Variants in BRD1 observed in about 807,000 individuals in gnomAD.
BRD1 encodes bromodomain containing 1.
Under a neutral mutation model 107.7 loss-of-function variants are expected in BRD1, and 24 were observed. That is an observed-to-expected ratio of 0.22 (90% confidence interval 0.16 to 0.31). The LOEUF (loss-of-function observed/expected upper bound fraction) is 0.31. Among genes scored for constraint, BRD1 ranks in the 10% least tolerant of loss-of-function variants. The probability of loss-of-function intolerance (pLI) is 1.00; values close to 1 mark genes in which losing one functional copy is unlikely to be tolerated. For synonymous variants in BRD1, 744 were observed against 686.1 expected (o/e 1.08, Z -1.32); for missense variants, 1,279 against 1,638.6 (o/e 0.78, Z 3.79).
chr22:49,782,384 G>A (rs189986514), intron 8 of BRD1, among the ~76,000 whole-genome samples: 3 of 151,266 alleles, frequency 2.0e-5, no homozygotes, highest in East Asian at 2.0e-4. Context: ...CCCACTCCGC[G>A]ACAATGCAGC....
chr22:49,823,072 A>G lies in BRD1; in HGVS notation c.1246T>C (p.Ser416Pro), dbSNP rs745805180. ...MKNGVCRKES[S>P]VKTVRSTSKV... The stretch of plus-strand genomic sequence containing the variant: ...GATGTGGACCTGACCGTTTTAACCG[A>G]GCTCTCTTTTCGACAGACGCCATTT... Residue 416 changes from serine to proline, a missense_variant, in exon 2 of 13, where the codon TCG becomes CCG. Ser to Pro is a moderately conservative substitution (Grantham distance 74). Coordinates refer to ENST00000404760, the MANE Select transcript of BRD1 (RefSeq NM_001304808.3). 4 of 1,614,140 alleles carry G rather than the reference A, an allele frequency of 2.5e-6. No individual in the cohort carries two copies. The highest frequency in any genetic ancestry group is 3.4e-6 in the Non-Finnish European group (4 of 1,180,026).
intron 2 of BRD1, chr22:49,818,072 C>T: frequency 3.2e-6 from 1 of 317,260 alleles, no homozygotes; most frequent in Non-Finnish European, 4.6e-6. Flanking sequence ...TGATGCTTCC[C>T]TTCCTAAGGC....
chr22:49,825,805 A>G (rs1235067143), intron 1 of BRD1: 1 of 152,368 alleles, frequency 6.6e-6, no homozygotes, highest in East Asian at 1.9e-4. Flanking sequence ...AAATCCCAGC[A>G]GACTTCAAGA....
Position 49,777,735 on chromosome 22 carries a change from C to T in BRD1, c.2936G>A (p.Arg979Gln), listed in dbSNP as rs372097126. ...GATGCTGGACTCGGAGGCACAGCGT[C>T]GTCGGGGTGTGGCCTTCCTCCCCAG... ...GGLGRKATPR[R>Q]RCASESSISS... Residue 979 changes from arginine to glutamine, a missense_variant, in exon 9 of 13, where the codon CGA becomes CAA. This residue lies in a region of BRD1 where 263 missense variants were observed against 251.6 expected (regional missense o/e 1.05). Transcript: ENST00000404760. 39 of 1,607,126 alleles carry T rather than the reference C, an allele frequency of 2.4e-5. No individual in the cohort carries two copies. Among genetic ancestry groups the T allele is most frequent in the Non-Finnish European group, 2.9e-5 (34 of 1,178,082 alleles).
In BRD1 at chr22:49,793,996, G is replaced by A. The variant is rs114577232; in HGVS notation, c.2359+38C>T. ...GTGCCTGTGCCTGAGCCTGAGCCGT[G>A]ACGGCAAGAAAGCGGGGCAGCCCTC... On this transcript the variant is annotated intron_variant, in intron 7 of 12. Coordinates refer to ENST00000404760, the MANE Select transcript of BRD1 (RefSeq NM_001304808.3). 1.6e-3 allele frequency: 2,492 copies of A among 1,587,260 alleles called. 38 individuals carry two copies. The East Asian group carries it at 0.033, about 21-fold the overall frequency.
At chr22:49,776,376 A>G (rs956775934) in intron 10 of BRD1, among the ~76,000 whole-genome samples, 6 of 152,156 alleles carry the variant, frequency 3.9e-5, no homozygotes. Flanking sequence ...CCAGCCTCCC[A>G]CGGACCCAGG....
chr22:49,784,215 G>A (rs1391316701), intron 8 of BRD1, among the ~76,000 whole-genome samples: 2 of 145,906 alleles, frequency 1.4e-5, no homozygotes, highest in Admixed American at 6.8e-5. Flanking sequence ...CCGCAACGGC[G>A]GTGAGTGGAC....
At chr22:49,784,100 A>G (rs1333650201) in intron 8 of BRD1, among the ~76,000 whole-genome samples, 1 of 152,062 alleles carries the variant, frequency 6.6e-6, no homozygotes, top group Non-Finnish European at 1.5e-5. Flanking sequence ...GCACGTGCAC[A>G]TGGAGACTCG....
At position 49,804,245 on chromosome 22, in the gene BRD1, G is replaced by A. The variant is rs1218432662; in HGVS notation, c.1483C>T (p.Arg495Trp). ...LSRNGAPLLR[R>W]LQSSLQSQRS... is the part of the protein sequence containing the mutation. ...TGAGACTGCAGGCTGGACTGCAGCC[G>A]CCGCAGCAGGGGGGCCCCGTTCCTG... Residue 495 changes from arginine to tryptophan, a missense_variant, in exon 3 of 13, where the codon CGG (arginine) becomes TGG (tryptophan). Around this residue, in one of 7 missense-constraint regions of BRD1, gnomAD observed 406 missense variants for 519.4 expected, o/e 0.78. Coordinates refer to ENST00000404760, the MANE Select transcript of BRD1 (RefSeq NM_001304808.3). 1.2e-6 allele frequency: 2 copies of A among 1,607,194 alleles called. No individual in the cohort carries two copies. The highest frequency in any genetic ancestry group is 2.2e-5 in the East Asian group (1 of 44,674).
intron 6 of BRD1, among the ~76,000 whole-genome samples, chr22:49,796,096 CTTT>C (rs60893505): frequency 1.4e-5 from 2 of 144,530 alleles, no homozygotes; most frequent in Non-Finnish European, 1.5e-5. Context: ...ATTGTGTTTT[CTTT>C]TTTTTTTTTT....
In BRD1 at chr22:49,797,811, C is replaced by G. The variant is rs1328038014; in HGVS notation, c.2092G>C (p.Glu698Gln). The change falls in exon 6 of 13, where the codon GAA (glutamate) becomes CAA (glutamine). Residue 698 changes from glutamate to glutamine, a missense_variant. By Grantham distance (29) the Glu-to-Gln change is conservative. This residue lies in a region of BRD1 where 406 missense variants were observed against 519.4 expected (regional missense o/e 0.78). Transcript: ENST00000404760. ...ACACGGCGCCAGTTCTTACCGTCTT[C>G]CCAGGAGAAAGGCCGCCGCGGTGCC... ...AAAPRRPFSW[E>Q]DVDRLLDPAN... 4 of 1,596,458 alleles carry G rather than the reference C, an allele frequency of 2.5e-6. No individual in the cohort carries two copies. Among genetic ancestry groups the G allele is most frequent in the Non-Finnish European group, 3.4e-6 (4 of 1,172,098 alleles).
At chr22:49,818,148 C>A in intron 2 of BRD1, 1 of 950,776 alleles carries the variant, frequency 1.1e-6, no homozygotes, top group Non-Finnish European at 1.3e-6. Context: ...GGGAGGAGCA[C>A]CCTATCAGGG....
intron 8 of BRD1, among the ~76,000 whole-genome samples, chr22:49,780,065 T>A (rs1004804909): frequency 3.3e-5 from 5 of 152,116 alleles, no homozygotes; most frequent in Non-Finnish European, 1.5e-5. Context: ...AGTTACTGGT[T>A]GGCCGAGCAA....
intron 2 of BRD1, among the ~76,000 whole-genome samples, chr22:49,820,328 G>A (rs891599412): frequency 2.0e-5 from 3 of 152,114 alleles, no homozygotes; most frequent in African/African-American, 7.2e-5. Context: ...TGACTGGCTG[G>A]CCTGAAGCAT....
intron 2 of BRD1, among the ~76,000 whole-genome samples, chr22:49,811,905 T>C (rs988236578): frequency 9.2e-5 from 14 of 152,212 alleles, no homozygotes; most frequent in Non-Finnish European, 1.9e-4. Flanking sequence ...ACATTTATGG[T>C]CCACACATGA....
intron 3 of BRD1, among the ~76,000 whole-genome samples, chr22:49,801,088 C>A (rs551482862): frequency 6.6e-6 from 1 of 152,212 alleles, no homozygotes; most frequent in African/African-American, 2.4e-5. Flanking sequence ...ACAGCAAGGA[C>A]GATGTGGGCA....
chr22:49,817,428 G>A (rs1949664528), intron 2 of BRD1: 1 of 154,182 alleles, frequency 6.5e-6, no homozygotes, highest in Non-Finnish European at 1.5e-5. Context: ...TCTTCCTATG[G>A]AATACCAAGA....
rs1439646579 is a variant in BRD1, at chr22:49,823,592, G to A, written c.726C>T (p.His242=). ...TGTAGGGCACCCCGTAGCACTCCTG[G>A]TGCACGGCCAGGTTGCACATGTCGC... ...LFCDMCNLAV[H]QECYGVPYIP... Residue 242 remains histidine, a synonymous_variant, in exon 2 of 13, where the codon CAC becomes CAT. Coordinates refer to ENST00000404760, the MANE Select transcript of BRD1 (RefSeq NM_001304808.3). 3 of 1,607,558 alleles carry A rather than the reference G, an allele frequency of 1.9e-6. No individual in the cohort carries two copies. Among genetic ancestry groups the A allele is most frequent in the Middle Eastern group, 1.6e-4 (1 of 6,072 alleles).
At chr22:49,827,114 C>G (rs991809054) in intron 1 of BRD1, among the ~76,000 whole-genome samples, 1 of 151,780 alleles carries the variant, frequency 6.6e-6, no homozygotes, top group South Asian at 2.1e-4. Flanking sequence ...GGCGGCCCGG[C>G]CGGCTCGGCG....
Sources: allele counts gnomAD v4.1 joint callset (sites outside exome capture counted in the v4.1 genomes callset), GRCh38; gene constraint gnomAD v4.1.1; regional missense constraint gnomAD v4.1.1; transcripts MANE v1.5; gene names NCBI Gene and HGNC (gene_info 2026-07-23, HGNC 2026-07-21).